BTG4: variants seen among roughly 807,000 people sequenced by gnomAD.
The protein encoded by BTG4 is protein BTG4.
A neutral mutation model predicts 19.3 loss-of-function variants in BTG4; 10 were observed. The observed-to-expected ratio is 0.52, with a 90% CI of 0.32 to 0.88. The LOEUF (loss-of-function observed/expected upper bound fraction) is 0.88, where lower values mean the gene tolerates loss of function less well. Ranked by LOEUF, BTG4 falls within the 40% of genes least tolerant of loss-of-function variation. The pLI is 0.04. For synonymous variants in BTG4, 91 were observed against 95.7 expected (o/e 0.95, Z 0.29); for missense variants, 238 against 281.9 (o/e 0.84, Z 1.11).
chr11:111,459,697 C>G, the BTG4 span: 1 of 152,572 alleles, frequency 6.6e-6, no homozygotes, highest in Admixed American at 6.5e-5. Flanking sequence ...CCTGAGGGCT[C>G]GGGGCTCATG....
the BTG4 span, chr11:111,385,578 TA>T: frequency 6.6e-6 from 1 of 151,902 alleles, no homozygotes; most frequent in Non-Finnish European, 1.5e-5. Flanking sequence ...GATATAATAA[TA>T]ATATATTATA....
chr11:111,417,717 T>C, the BTG4 span: 1 of 152,304 alleles, frequency 6.6e-6, no homozygotes, highest in African/African-American at 2.4e-5. Flanking sequence ...AACTTTGGCT[T>C]TAGATCAGTT....
chr11:111,474,914 A>G (rs923788958), intron 5 of BTG4, among the ~76,000 whole-genome samples: 1 of 152,114 alleles, frequency 6.6e-6, no homozygotes, highest in African/African-American at 2.4e-5. Flanking sequence ...ATGTTGATAT[A>G]CCATTTAGAT....
At chr11:111,502,393 TGAA>T (rs375441642) in intron 1 of BTG4, among the ~76,000 whole-genome samples, 4 of 152,336 alleles carry the variant, frequency 2.6e-5, no homozygotes, top group East Asian at 3.9e-4. Flanking sequence ...GCCTTAGCTG[TGAA>T]GAAGATTTTA....
chr11:111,502,265 C>A (rs931087939), intron 1 of BTG4, among the ~76,000 whole-genome samples: 2 of 152,052 alleles, frequency 1.3e-5, no homozygotes, highest in Non-Finnish European at 2.9e-5. Context: ...AACCACCACG[C>A]CCGGCCAAGA....
chr11:111,474,719 T>C (rs1257094576), intron 5 of BTG4, among the ~76,000 whole-genome samples: 1 of 152,172 alleles, frequency 6.6e-6, no homozygotes, highest in East Asian at 1.9e-4. Context: ...ATATGTTCAG[T>C]GTTAGTAGAT....
At chr11:111,383,867 C>T in the BTG4 span, among the ~76,000 whole-genome samples, 6 of 152,172 alleles carry the variant, frequency 3.9e-5, no homozygotes, top group Non-Finnish European at 7.3e-5. Flanking sequence ...TGGGACAGCT[C>T]TCCATCTCTT....
chr11:111,496,693 T>C (rs1865753131), intron 4 of BTG4: 1 of 153,004 alleles, frequency 6.5e-6, no homozygotes, highest in Non-Finnish European at 1.5e-5. Flanking sequence ...ATTGGGAGCA[T>C]TGGGAGCATT....
At chr11:111,496,892 G>GAAA (rs5794752) in intron 4 of BTG4, 38,167 of 287,044 alleles carry the variant, frequency 0.13, 1,227 homozygotes, top group Non-Finnish European at 0.16. Context: ...TCAATTGACA[G>GAAA]AAAAAAAAAT....
intron 5 of BTG4, among the ~76,000 whole-genome samples, chr11:111,489,117 T>C (rs1215330216): frequency 1.3e-5 from 2 of 149,814 alleles, no homozygotes; most frequent in African/African-American, 4.9e-5. Context: ...CACTCCAGCC[T>C]GGGCAACAAG....
chr11:111,391,075 T>C, the BTG4 span, among the ~76,000 whole-genome samples: 1 of 152,242 alleles, frequency 6.6e-6, no homozygotes, highest in Non-Finnish European at 1.5e-5. Flanking sequence ...ATGTGCTCGA[T>C]AAAGTCTCAT....
the BTG4 span, among the ~76,000 whole-genome samples, chr11:111,429,961 G>C: frequency 3.9e-5 from 6 of 152,242 alleles, no homozygotes; most frequent in East Asian, 1.2e-3. Flanking sequence ...TTTTTCCCTT[G>C]TCTTAGTGTA....
the BTG4 span, among the ~76,000 whole-genome samples, chr11:111,403,531 C>T: frequency 6.6e-6 from 1 of 152,192 alleles, no homozygotes; most frequent in African/African-American, 2.4e-5. Context: ...TGGGAAGCAT[C>T]CAAAAGTCCA....
chr11:111,433,473 C>G, the BTG4 span, among the ~76,000 whole-genome samples: 35,654 of 152,134 alleles, frequency 0.23, 4,778 homozygotes, highest in Admixed American at 0.32. Context: ...CTAGGCAACA[C>G]CATTCAGGAC....
chr11:111,475,247 G>A (rs1864333000), intron 5 of BTG4: 1 of 152,422 alleles, frequency 6.6e-6, no homozygotes, highest in Non-Finnish European at 1.5e-5. Flanking sequence ...ATAGTTTTAA[G>A]TGTATATATA....
At chr11:111,479,481 A>C (rs11213923) in intron 5 of BTG4, among the ~76,000 whole-genome samples, 9,927 of 152,058 alleles carry the variant, frequency 0.065, 523 homozygotes, top group African/African-American at 0.14. Flanking sequence ...ATCAAGCATA[A>C]CTCACCTAAA....
At chr11:111,502,338 C>T (rs892050164) in intron 1 of BTG4, among the ~76,000 whole-genome samples, 5 of 152,096 alleles carry the variant, frequency 3.3e-5, no homozygotes, top group South Asian at 2.1e-4. Context: ...GTTCCCCAAG[C>T]GATTCTAACG....
At chr11:111,461,974 C>G in the BTG4 span, 1 of 152,966 alleles carries the variant, frequency 6.5e-6, no homozygotes, top group Non-Finnish European at 1.5e-5. Flanking sequence ...GCTACTGGAA[C>G]AGCTGGGGCA....
the BTG4 span, among the ~76,000 whole-genome samples, chr11:111,407,611 C>T: frequency 1.3e-5 from 2 of 152,290 alleles, no homozygotes; most frequent in Admixed American, 1.3e-4. Flanking sequence ...GGTGAGGTTG[C>T]AGTGAGCTGA....
Sources: allele counts gnomAD v4.1 joint callset (sites outside exome capture counted in the v4.1 genomes callset), GRCh38; gene constraint gnomAD v4.1.1; transcripts MANE v1.5; gene names NCBI Gene and HGNC (gene_info 2026-07-23, HGNC 2026-07-21).